ANKS1B: variants seen among roughly 807,000 people sequenced by gnomAD.
ANKS1B encodes ankyrin repeat and sterile alpha motif domain-containing protein 1B.
ANKS1B carries 36 observed loss-of-function variants against 148.3 expected under a neutral mutation model. The ratio of observed to expected loss-of-function variants is 0.24; its 90% CI spans 0.19 to 0.32. The LOEUF (loss-of-function observed/expected upper bound fraction) is 0.32, where lower values mean the gene tolerates loss of function less well. ANKS1B is among the 10% of genes least tolerant of loss of function. The probability of loss-of-function intolerance (pLI) is 1.00; values close to 1 mark genes in which losing one functional copy is unlikely to be tolerated. For synonymous variants in ANKS1B, 542 were observed against 560.8 expected (o/e 0.97, Z 0.47); for missense variants, 1,157 against 1,542.6 (o/e 0.75, Z 4.19).
intron 9 of ANKS1B, among the ~76,000 whole-genome samples, chr12:99,516,242 G>C (rs1253977800): frequency 6.6e-6 from 1 of 152,036 alleles, no homozygotes; most frequent in Non-Finnish European, 1.5e-5. Context: ...AAATGCCCTG[G>C]AGAGTTTCCC....
At chr12:98,929,909 C>A (rs1413106882) in intron 17 of ANKS1B, among the ~76,000 whole-genome samples, 1 of 151,926 alleles carries the variant, frequency 6.6e-6, no homozygotes, top group African/African-American at 2.4e-5. Flanking sequence ...ACTGAAAGCA[C>A]AAGTGACACA....
At chr12:98,867,819 A>T in intron 17 of ANKS1B, among the ~76,000 whole-genome samples, 1 of 151,440 alleles carries the variant, frequency 6.6e-6, no homozygotes. Context: ...CCGAGATCGC[A>T]CCACTACGCT....
intron 17 of ANKS1B, among the ~76,000 whole-genome samples, chr12:99,000,471 G>A (rs570142519): frequency 2.6e-5 from 4 of 152,204 alleles, no homozygotes; most frequent in Admixed American, 6.5e-5. Context: ...GTTTCACCAT[G>A]TTGGCCAGGC....
intron 8 of ANKS1B, among the ~76,000 whole-genome samples, chr12:99,762,943 T>G (rs776772479): frequency 3.9e-5 from 6 of 151,932 alleles, no homozygotes; most frequent in Non-Finnish European, 5.9e-5. Flanking sequence ...AACCATTGAA[T>G]GCAATCTCAC....
At chr12:99,200,134 GTT>G (rs1401040119) in intron 14 of ANKS1B, among the ~76,000 whole-genome samples, 2 of 152,138 alleles carry the variant, frequency 1.3e-5, no homozygotes, top group Non-Finnish European at 2.9e-5. Flanking sequence ...AACAAAAGTG[GTT>G]CCTGCAAAAA....
intron 9 of ANKS1B, among the ~76,000 whole-genome samples, chr12:99,616,489 C>G (rs1477393112): frequency 6.6e-6 from 1 of 152,088 alleles, no homozygotes; most frequent in African/African-American, 2.4e-5. Flanking sequence ...TAACGCCACA[C>G]ATCTACAACC....
chr12:99,706,275 T>G (rs2055756540), intron 8 of ANKS1B, among the ~76,000 whole-genome samples: 1 of 151,814 alleles, frequency 6.6e-6, no homozygotes, highest in Non-Finnish European at 1.5e-5. Context: ...CCCAGATAAC[T>G]AGATAAAAGA....
rs575394108 is a variant in ANKS1B at position 99,094,092 on chromosome 12, T to C, written c.2527-9069A>G. ...TTGTCATTCATTCATGTAGTCAGCA[T>C]TTGTTTGTTCAATAAATATTTTTTG... is the stretch of plus-strand genomic sequence containing the variant. On this transcript the variant is annotated intron_variant, in intron 15 of 26. Coordinates refer to ENST00000683438, the MANE Select transcript of ANKS1B (RefSeq NM_001352186.2). Among the ~76,000 whole-genome samples the C allele has an allele frequency of 3.9e-5, 6 of 152,312 alleles. No homozygotes were observed. The South Asian group carries it at 1.0e-3, about 26-fold the overall frequency.
chr12:99,240,719 A>T (rs2089129083), intron 14 of ANKS1B, among the ~76,000 whole-genome samples: 1 of 152,220 alleles, frequency 6.6e-6, no homozygotes, highest in African/African-American at 2.4e-5. Context: ...AGTGCAATCA[A>T]ATTAGAACTC....
At position 99,825,341 on chromosome 12, in the gene ANKS1B, A is replaced by G; in HGVS notation, c.183T>C (p.Thr61=). 1 of 1,612,960 alleles carries G rather than the reference A, an allele frequency of 6.2e-7. No individual in the cohort carries two copies. The change falls in exon 2 of 27, where the codon ACT becomes ACC. Residue 61 remains threonine, a synonymous_variant. Transcript: ENST00000683438. ...CATTTAAGGCTGCGTGGTGTAAAGC[A>G]GTGTAACCCGAACTGTCTGTGCAGT... is the stretch of plus-strand genomic sequence containing the variant. The part of the protein sequence containing the change: ...NVNCTDSSGY[T]ALHHAALNGH...
intron 12 of ANKS1B, among the ~76,000 whole-genome samples, chr12:99,358,159 T>C (rs1425051594): frequency 6.6e-6 from 1 of 152,128 alleles, no homozygotes; most frequent in East Asian, 1.9e-4. Context: ...CATACACTGC[T>C]TTGTGGCATT....
intron 14 of ANKS1B, among the ~76,000 whole-genome samples, chr12:99,210,599 A>C (rs902327083): frequency 6.6e-6 from 1 of 152,132 alleles, no homozygotes; most frequent in Non-Finnish European, 1.5e-5. Flanking sequence ...AAACTTCTAG[A>C]CTCACATGTT....
chr12:98,946,291 GGGAGGT>G (rs1484608183), intron 17 of ANKS1B, among the ~76,000 whole-genome samples: 6 of 152,204 alleles, frequency 3.9e-5, no homozygotes, highest in Non-Finnish European at 7.3e-5. Flanking sequence ...AAGAATCACA[GGGAGGT>G]GGAGCTCCTT....
intron 1 of ANKS1B, among the ~76,000 whole-genome samples, chr12:99,945,863 G>A (rs1341289236): frequency 6.6e-6 from 1 of 152,306 alleles, no homozygotes; most frequent in Admixed American, 6.5e-5. Flanking sequence ...TTCTCCTCTA[G>A]TTCTGCCCAA....
At chr12:99,872,937 T>C (rs1271141582) in intron 1 of ANKS1B, among the ~76,000 whole-genome samples, 2 of 152,150 alleles carry the variant, frequency 1.3e-5, no homozygotes, top group African/African-American at 2.4e-5. Context: ...TTTGTCCCTA[T>C]AACCCCCAAA....
chr12:98,968,692 T>C (rs2099880712), intron 17 of ANKS1B, among the ~76,000 whole-genome samples: 1 of 151,342 alleles, frequency 6.6e-6, no homozygotes, highest in Non-Finnish European at 1.5e-5. Flanking sequence ...TGGTTCCAAG[T>C]GGGTTTTAGG....
intron 9 of ANKS1B, among the ~76,000 whole-genome samples, chr12:99,508,672 T>G (rs1436122540): frequency 6.6e-6 from 1 of 151,880 alleles, no homozygotes; most frequent in Admixed American, 6.6e-5. Flanking sequence ...ATATTGAAAT[T>G]TTAATGTTTT....
chr12:99,780,107 ACACACACACATACACACACACATGCG>A (rs2064098923), intron 5 of ANKS1B, 135 bp from the exon 6 acceptor site: 7 of 635,764 alleles, frequency 1.1e-5, no homozygotes, highest in African/African-American at 1.9e-5. Flanking sequence ...ATTAAGTTCT[ACACACACACATACACACACACATGCG>A]CACACACACA....
Position 99,023,052 on chromosome 12 carries a change from G to A in ANKS1B, c.2778+30105C>T, listed in dbSNP as rs566998727. The stretch of plus-strand genomic sequence containing the variant: ...CAGACTTTTCCAATGTTAAACTATC[G>A]TACATTCCTGGGATAAATCCCCTTC... On this transcript the variant is annotated intron_variant, in intron 17 of 26. Coordinates refer to ENST00000683438, the MANE Select transcript of ANKS1B (RefSeq NM_001352186.2). Among the ~76,000 whole-genome samples the A allele has an allele frequency of 6.6e-5, 10 of 151,972 alleles. No homozygotes were observed. In the South Asian group the frequency reaches 1.9e-3, roughly 28 times the overall value.
Sources: allele counts gnomAD v4.1 joint callset (sites outside exome capture counted in the v4.1 genomes callset), GRCh38; gene constraint gnomAD v4.1.1; transcripts MANE v1.5; gene names NCBI Gene and HGNC (gene_info 2026-07-23, HGNC 2026-07-21).